SNX11: variants seen among roughly 807,000 people sequenced by gnomAD.
SNX11 encodes sorting nexin 11, also known as sorting nexin-11.
In SNX11, 19 loss-of-function variants were observed where a neutral mutation model predicts 30.7. The ratio of observed to expected loss-of-function variants is 0.62; its 90% confidence interval spans 0.43 to 0.91. SNX11 has a LOEUF of 0.91. Among genes scored for constraint, SNX11 ranks in the 40% least tolerant of loss-of-function variants. The pLI, the probability that SNX11 is intolerant of heterozygous loss-of-function variation, is 0.00. For synonymous variants in SNX11, 112 were observed against 119.0 expected, an observed-to-expected ratio of 0.94 and a Z score of 0.38; for missense variants, 302 against 326.7, an observed-to-expected ratio of 0.92 and a Z score of 0.58.
Position 48,118,636 on chromosome 17 carries a change from A to T in SNX11, c.231-68A>T, listed in dbSNP as rs1388887308. The T allele has an allele frequency of 1.3e-5, 15 of 1,134,492 alleles. No individual in the cohort carries two copies. The East Asian group carries it at 3.1e-4, about 23-fold the overall frequency. The allele number at this position is 1,134,492 out of a possible 1,614,324, so 70.3% of individuals were successfully genotyped here. A position where few individuals can be genotyped will look rare whatever the true frequency, so the allele number is the denominator to read the frequency against. Reference sequence around the variant, plus strand: ...GACCTCTTTTTAAGGGATTTCCTTGATCAGAGGCCGGAATGACTATCTTAG... The same window carrying T: ...GACCTCTTTTTAAGGGATTTCCTTGTTCAGAGGCCGGAATGACTATCTTAG... On this transcript the variant is annotated intron_variant, in intron 4 of 6. Transcript: ENST00000359238.
intron 1 of SNX11, chr17:48,110,780 G>C (rs2063484143): frequency 6.6e-6 from 1 of 152,658 alleles, no homozygotes; most frequent in Non-Finnish European, 1.5e-5. Flanking sequence ...AAATTGGAAA[G>C]GGAAATTAAA....
In SNX11 at chr17:48,117,383, T is replaced by A. The variant is rs368549555; in HGVS notation, c.231-1321T>A. On this transcript the variant is annotated intron_variant, in intron 4 of 6. Transcript: ENST00000359238. ...CATTCTCCTGCCTCAGCCTCCCGAG[T>A]AGTTGGGACTACAGGCGCCCGCCAC... Among the ~76,000 whole-genome samples the A allele has an allele frequency of 2.0e-5, 3 of 151,594 alleles. No individual in the cohort carries two copies. In the East Asian group the frequency reaches 5.8e-4, roughly 29 times the overall value.
intron 4 of SNX11, among the ~76,000 whole-genome samples, chr17:48,114,274 C>T (rs1287019045): frequency 2.6e-5 from 4 of 151,438 alleles, no homozygotes; most frequent in Admixed American, 2.0e-4. Flanking sequence ...CTGCCTCAGC[C>T]TCCTGAGTAG....
intron 1 of SNX11, among the ~76,000 whole-genome samples, chr17:48,110,069 A>G (rs1027391192): frequency 1.3e-5 from 2 of 152,184 alleles, no homozygotes; most frequent in African/African-American, 4.8e-5. Flanking sequence ...GACACTTCAG[A>G]ATATTTAACT....
chr17:48,118,722 T>C lies in SNX11; in HGVS notation c.249T>C (p.Pro83=). The C allele has an allele frequency of 6.2e-7, 1 of 1,614,018 alleles. No homozygotes were observed. Among genetic ancestry groups the C allele is most frequent in the Non-Finnish European group, 8.5e-7 (1 of 1,179,890 alleles). The part of the protein sequence containing the change: ...NAGLVPVPEL[P]GKSTFFGTSD... ...TGCACAGGCCTGTTCCTGAACTTCC[T>C]GGGAAGTCAACCTTCTTCGGCACCT... Residue 83 remains proline, a synonymous_variant, in exon 5 of 7, where the codon CCT becomes CCC. Coordinates refer to ENST00000359238, the MANE Select transcript of SNX11 (RefSeq NM_013323.3).
intron 6 of SNX11, among the ~76,000 whole-genome samples, chr17:48,119,693 C>G (rs1417653312): frequency 6.6e-6 from 1 of 151,332 alleles, no homozygotes; most frequent in Non-Finnish European, 1.5e-5. Flanking sequence ...CTTAGGTGAT[C>G]CGCCTGCCTC....
chr17:48,119,215 G>A, intron 6 of SNX11, 29 bp downstream of exon 6: 1 of 1,556,280 alleles, frequency 6.4e-7, no homozygotes, highest in Non-Finnish European at 8.9e-7. Context: ...GAGATAGCAG[G>A]GGCTAGGTTT....
intron 2 of SNX11, 187 bp from the exon 3 acceptor site, chr17:48,112,387 G>C (rs984228239): frequency 1.5e-6 from 1 of 659,714 alleles, no homozygotes; most frequent in African/African-American, 1.8e-5. Flanking sequence ...TGTCTGACAC[G>C]TAGTGGGGCT....
At position 48,121,381 on chromosome 17, in the gene SNX11, C is replaced by T. The variant is rs772474027; in HGVS notation, c.686C>T (p.Pro229Leu). The change falls in exon 7 of 7, where the codon CCA (proline) becomes CTA (leucine). Residue 229 changes from proline to leucine, a missense_variant. By Grantham distance (98) the Pro-to-Leu change is moderately conservative. Coordinates refer to ENST00000359238, the MANE Select transcript of SNX11 (RefSeq NM_013323.3). ...ESPTLPPLSS[P>L]LCCDFGRPKE... ...CCCACTCTCCCACCCCTCTCCTCAC[C>T]ATTATGCTGTGATTTTGGAAGACCC... is the stretch of plus-strand genomic sequence containing the variant. 2.5e-6 allele frequency: 4 copies of T among 1,614,108 alleles called. No individual in the cohort carries two copies. The highest frequency in any genetic ancestry group is 3.4e-6 in the Non-Finnish European group (4 of 1,180,060).
At chr17:48,120,201 G>GTTTTTTTT (rs61680588) in intron 6 of SNX11, among the ~76,000 whole-genome samples, 10 of 74,242 alleles carry the variant, frequency 1.3e-4, no homozygotes, top group Admixed American at 3.8e-4. Flanking sequence ...GCATTTATCT[G>GTTTTTTTT]TTTTTTTTTT....
At chr17:48,120,835 TA>T (rs1181284471) in intron 6 of SNX11, among the ~76,000 whole-genome samples, 2 of 151,654 alleles carry the variant, frequency 1.3e-5, no homozygotes, top group African/African-American at 2.4e-5. Context: ...TAAATTGAGA[TA>T]GGGTTTCACC....
intron 4 of SNX11, among the ~76,000 whole-genome samples, chr17:48,114,562 G>A (rs2063525315): frequency 6.7e-6 from 1 of 148,450 alleles, no homozygotes; most frequent in Admixed American, 6.7e-5. Context: ...GGTTCAAGCA[G>A]TTCTCTGCCT....
At chr17:48,109,886 G>A (rs1306745091) in intron 1 of SNX11, among the ~76,000 whole-genome samples, 2 of 152,136 alleles carry the variant, frequency 1.3e-5, no homozygotes, top group African/African-American at 4.8e-5. Flanking sequence ...TGAAGGTAGT[G>A]CAGGGCCCTA....
intron 1 of SNX11, among the ~76,000 whole-genome samples, chr17:48,108,525 G>A (rs1336056231): frequency 6.6e-6 from 1 of 152,196 alleles, no homozygotes. Flanking sequence ...TTAAATGGGA[G>A]AGAAAATAAA....
At chr17:48,118,669 A>G (rs1168241130) in intron 4 of SNX11, 35 bp from the exon 5 acceptor site, 2 of 1,466,580 alleles carry the variant, frequency 1.4e-6, no homozygotes, top group East Asian at 2.3e-5. Context: ...TAGATGTTAC[A>G]CTTATCATGG....
At chr17:48,118,464 A>G (rs2063566431) in intron 4 of SNX11, among the ~76,000 whole-genome samples, 1 of 151,784 alleles carries the variant, frequency 6.6e-6, no homozygotes, top group Non-Finnish European at 1.5e-5. Flanking sequence ...CTGTAATCCC[A>G]GTTACTCGGG....
At chr17:48,120,751 C>T (rs1487611112) in intron 6 of SNX11, among the ~76,000 whole-genome samples, 16 of 151,772 alleles carry the variant, frequency 1.1e-4, no homozygotes, top group Admixed American at 9.2e-4. Context: ...ACCTCGTGAT[C>T]TGCCCACCTC....
chr17:48,115,304 C>T (rs569368386), intron 4 of SNX11, among the ~76,000 whole-genome samples: 2 of 152,062 alleles, frequency 1.3e-5, no homozygotes, highest in South Asian at 2.1e-4. Context: ...TCAGGCAATC[C>T]GCCTGCCTCG....
intron 6 of SNX11, among the ~76,000 whole-genome samples, chr17:48,120,540 T>C (rs1340667637): frequency 1.6e-5 from 2 of 128,552 alleles, no homozygotes; most frequent in East Asian, 2.5e-4. Context: ...GATGGAGTCT[T>C]GCTCTGTTGC....
Sources: gnomAD v4.1 joint callset for allele counts (sites outside exome capture counted in the v4.1 genomes callset) on GRCh38, gnomAD v4.1.1 for gene constraint, MANE v1.5 for transcripts, NCBI Gene and HGNC (gene_info 2026-07-23, HGNC 2026-07-21) for gene names.